Variants in CARD18 observed in about 807,000 individuals in gnomAD.
CARD18 encodes caspase recruitment domain-containing protein 18.
Under a neutral mutation model 7.9 loss-of-function variants are expected in CARD18, and 7 were observed. That is an observed-to-expected ratio of 0.88 (90% confidence interval 0.50 to 1.66). The LOEUF is 1.66. Ranked by LOEUF, CARD18 falls within the 40% of genes most tolerant of loss-of-function variation. CARD18 has a pLI of 0.00. For missense variants in CARD18, 134 were observed against 105.5 expected (o/e 1.27, Z -1.18); for synonymous variants, 34 against 34.8 (o/e 0.98, Z 0.08).
intron 1 of CARD18, chr11:105,139,319 A>G (rs1431290910): frequency 3.5e-6 from 2 of 564,586 alleles, no homozygotes; most frequent in Admixed American, 6.8e-5. Flanking sequence ...CCTAAAAATC[A>G]GAAGTCATTC....
At position 105,139,063 on chromosome 11, in the gene CARD18, T is replaced by A; in HGVS notation, c.23A>T (p.Lys8Ile). The A allele has an allele frequency of 6.2e-7, 1 of 1,613,040 alleles. No individual in the cohort carries two copies. Among genetic ancestry groups the A allele is most frequent in the Non-Finnish European group, 8.5e-7 (1 of 1,179,428 alleles). The change falls in exon 2 of 3, where the codon AAA becomes ATA. Residue 8 changes from lysine to isoleucine, a missense_variant. Physicochemically the swap from Lys to Ile is moderately radical, Grantham distance 102. Transcript: ENST00000530950. ...TGAATGGATAAAAATTCTTCTCTTTTTACGCAAGAGTTGGTCTGTTGGAAG... is the reference window on the plus strand; with the variant it reads ...TGAATGGATAAAAATTCTTCTCTTTATACGCAAGAGTTGGTCTGTTGGAAG... MADQLLR[K>I]KRRIFIHSVG...
chr11:105,138,512 G>A (rs1005769760), intron 2 of CARD18, among the ~76,000 whole-genome samples: 1 of 151,920 alleles, frequency 6.6e-6, no homozygotes, highest in Non-Finnish European at 1.5e-5. Context: ...TGCTCCCCAG[G>A]ACCATTAAAA....
At chr11:105,139,105 A>G (rs1371784312) in intron 1 of CARD18, 27 bp from the exon 2 acceptor site, 4 of 1,599,310 alleles carry the variant, frequency 2.5e-6, no homozygotes, top group Non-Finnish European at 3.4e-6. Flanking sequence ...GATTCCTCAA[A>G]TAATGAACAT....
At position 105,138,884 on chromosome 11, in the gene CARD18, A is replaced by G. The variant is rs766431001; in HGVS notation, c.202T>C (p.Ser68Pro). ...IDLVTGKGPKSCCKFIKHLCE... is the reference protein window; with the variant it reads ...IDLVTGKGPKPCCKFIKHLCE... ...AGATGCTTGATAAATTTGCAGCAAG[A>G]CTTGGGTCCTTTTCCAGTAACAAGG... The change falls in exon 2 of 3, where the codon TCT becomes CCT. Residue 68 changes from serine (S) to proline (P), a missense_variant. By Grantham distance (74) the Ser-to-Pro change is moderately conservative. Coordinates refer to ENST00000530950, the MANE Select transcript of CARD18 (RefSeq NM_021571.4). 6.2e-7 allele frequency: 1 copy of G among 1,613,688 alleles called. No homozygotes were observed. The highest frequency in any genetic ancestry group is 1.7e-5 in the Admixed American group (1 of 59,982).
In CARD18 at chr11:105,139,756, G is replaced by A. The variant is rs1865450250; in HGVS notation, c.-30C>T. 1.3e-6 allele frequency: 2 copies of A among 1,597,962 alleles called. No individual in the cohort carries two copies. The highest frequency in any genetic ancestry group is 2.7e-5 in the African/African-American group (2 of 74,868). On this transcript the variant is annotated 5_prime_UTR_variant, in exon 1 of 3. Transcript: ENST00000530950. ...CCTCACGTTGGCACTTGCAATGTGT[G>A]TTACACTTGCAATGACAGGCAAGGT...
chr11:105,139,146 G>T, intron 1 of CARD18, 68 bp from the exon 2 acceptor site: 1 of 1,510,132 alleles, frequency 6.6e-7, no homozygotes, highest in Non-Finnish European at 9.0e-7. Context: ...TTACCAACAG[G>T]GTAACAATCA....
At chr11:105,139,164 A>T (rs1591255259) in intron 1 of CARD18, 86 bp from the exon 2 acceptor site, 2 of 1,414,386 alleles carry the variant, frequency 1.4e-6, no homozygotes, top group Admixed American at 1.9e-5. Flanking sequence ...TCATTTAAAC[A>T]TTTCTCTCCA....
chr11:105,138,486 G>A (rs1294200051), intron 2 of CARD18, among the ~76,000 whole-genome samples: 2 of 152,052 alleles, frequency 1.3e-5, no homozygotes, highest in Non-Finnish European at 2.9e-5. Flanking sequence ...GCTCAAGAGG[G>A]AGTGATATTG....
Position 105,138,965 on chromosome 11 carries a change from T to G in CARD18, c.121A>C (p.Asn41His). ...EDEVISQEDM[N>H]KVRDENDTVM... ...GTGTCATTTTCATCTCTCACTTTGTTCATGTCTTCCTGGCTAATAACTTCA... is the reference window on the plus strand; with the variant it reads ...GTGTCATTTTCATCTCTCACTTTGTGCATGTCTTCCTGGCTAATAACTTCA... Residue 41 changes from asparagine to histidine, a missense_variant, in exon 2 of 3, where the codon AAC becomes CAC. By Grantham distance (68) the Asn-to-His change is moderately conservative (BLOSUM62 1). Coordinates refer to ENST00000530950, the MANE Select transcript of CARD18 (RefSeq NM_021571.4). The G allele has an allele frequency of 6.2e-7, 1 of 1,613,756 alleles. No individual in the cohort carries two copies. The highest frequency in any genetic ancestry group is 8.5e-7 in the Non-Finnish European group (1 of 1,179,738).
At chr11:105,139,454 C>T in intron 1 of CARD18, 1 of 556,680 alleles carries the variant, frequency 1.8e-6, no homozygotes, top group Non-Finnish European at 3.2e-6. Flanking sequence ...CCATTCTCAT[C>T]CTGAACTACA....
intron 2 of CARD18, among the ~76,000 whole-genome samples, chr11:105,138,527 C>T (rs1367117382): frequency 6.6e-6 from 1 of 151,978 alleles, no homozygotes; most frequent in East Asian, 1.9e-4. Context: ...TTAAAAGATT[C>T]AGGATAAAAC....
rs778970635 is a variant in CARD18 at position 105,139,768 on chromosome 11, A to G, written c.-42T>C. 6 of 1,597,688 alleles carry G rather than the reference A, an allele frequency of 3.8e-6. No individual in the cohort carries two copies. Among genetic ancestry groups the G allele is most frequent in the African/African-American group, 2.7e-5 (2 of 74,868 alleles). ...ACTTGCAATGTGTGTTACACTTGCA[A>G]TGACAGGCAAGGTAGCTCTATCCTT... On this transcript the variant is annotated 5_prime_UTR_variant, in exon 1 of 3. Coordinates refer to ENST00000530950, the MANE Select transcript of CARD18 (RefSeq NM_021571.4).
Position 105,139,039 on chromosome 11 carries a change from G to A in CARD18, c.47C>T (p.Ser16Leu), listed in dbSNP as rs1348770974. Residue 16 changes from serine to leucine, a missense_variant, in exon 2 of 3, where the codon TCA (serine) becomes TTA (leucine). Transcript: ENST00000530950. ...GGCATTTATTGTGCCTGCACCCACTGAATGGATAAAAATTCTTCTCTTTTT... is the reference window on the plus strand; with the variant it reads ...GGCATTTATTGTGCCTGCACCCACTAAATGGATAAAAATTCTTCTCTTTTT... ...LRKKRRIFIH[S>L]VGAGTINALL... 1 of 1,613,358 alleles carries A rather than the reference G, an allele frequency of 6.2e-7. No homozygotes were observed. The highest frequency in any genetic ancestry group is 1.7e-5 in the Admixed American group (1 of 59,952).
Position 105,138,926 on chromosome 11 carries a change from C to T in CARD18, c.160G>A (p.Ala54Thr), listed in dbSNP as rs191912274. 1.2e-6 allele frequency: 2 copies of T among 1,613,716 alleles called. No individual in the cohort carries two copies. The highest frequency in any genetic ancestry group is 2.2e-5 in the South Asian group (2 of 91,082). The change falls in exon 2 of 3, where the codon GCT becomes ACT. Residue 54 changes from alanine (A) to threonine (T), a missense_variant. By Grantham distance (58) the Ala-to-Thr change is moderately conservative. Coordinates refer to ENST00000530950, the MANE Select transcript of CARD18 (RefSeq NM_021571.4). ...RDENDTVMDK[A>T]RVLIDLVTGK... is the part of the protein sequence containing the mutation. Reference sequence around the variant, plus strand: ...GTAACAAGGTCAATCAAGACTCGAGCCTTATCCATGACAGTGTCATTTTCA... The same window carrying T: ...GTAACAAGGTCAATCAAGACTCGAGTCTTATCCATGACAGTGTCATTTTCA...
chr11:105,139,007 C>A lies in CARD18; in HGVS notation c.79G>T (p.Asp27Tyr). 1 of 1,613,656 alleles carries A rather than the reference C, an allele frequency of 6.2e-7. No individual in the cohort carries two copies. Among genetic ancestry groups the A allele is most frequent in the South Asian group, 1.1e-5 (1 of 91,082 alleles). ...VGAGTINALL[D>Y]CLLEDEVISQ... ...ATAACTTCATCCTCTAATAGGCAAT[C>A]CAGCAAGGCATTTATTGTGCCTGCA... The change falls in exon 2 of 3, where the codon GAT (aspartate) becomes TAT (tyrosine). Residue 27 changes from aspartate to tyrosine, a missense_variant. Coordinates refer to ENST00000530950, the MANE Select transcript of CARD18 (RefSeq NM_021571.4).
intron 1 of CARD18, 139 bp downstream of exon 1, chr11:105,139,581 C>T: frequency 2.3e-6 from 2 of 867,314 alleles, no homozygotes; most frequent in Non-Finnish European, 3.6e-6. Flanking sequence ...GGGCATCTTC[C>T]CACCCTGCCT....
intron 2 of CARD18, 71 bp downstream of exon 2, chr11:105,138,741 G>A (rs1865436411): frequency 6.6e-7 from 1 of 1,525,402 alleles, no homozygotes; most frequent in Non-Finnish European, 9.0e-7. Flanking sequence ...GACAAGACAA[G>A]TGAAGAAAAT....
chr11:105,138,512 G>T (rs1005769760), intron 2 of CARD18, among the ~76,000 whole-genome samples: 1 of 151,920 alleles, frequency 6.6e-6, no homozygotes, highest in African/African-American at 2.4e-5. Flanking sequence ...TGCTCCCCAG[G>T]ACCATTAAAA....
In CARD18 at chr11:105,139,033, C is replaced by G; in HGVS notation, c.53G>C (p.Gly18Ala). 1 of 1,613,472 alleles carries G rather than the reference C, an allele frequency of 6.2e-7. No individual in the cohort carries two copies. The highest frequency in any genetic ancestry group is 8.5e-7 in the Non-Finnish European group (1 of 1,179,630). Residue 18 changes from glycine (G) to alanine (A), a missense_variant, in exon 2 of 3, where the codon GGT becomes GCT. Gly to Ala is a moderately conservative substitution (Grantham distance 60). Transcript: ENST00000530950. ...KKRRIFIHSV[G>A]AGTINALLDC... The stretch of plus-strand genomic sequence containing the variant: ...CAGCAAGGCATTTATTGTGCCTGCA[C>G]CCACTGAATGGATAAAAATTCTTCT...
Sources: allele counts gnomAD v4.1 joint callset (sites outside exome capture counted in the v4.1 genomes callset), GRCh38; gene constraint gnomAD v4.1.1; transcripts MANE v1.5; gene names NCBI Gene and HGNC (gene_info 2026-07-23, HGNC 2026-07-21).